DPP10: variants seen among roughly 807,000 people sequenced by gnomAD.
DPP10 encodes the protein dipeptidyl peptidase like 10.
DPP10 carries 33 observed loss-of-function variants against 120.9 expected under a neutral mutation model. The ratio of observed to expected loss-of-function variants is 0.27; its 90% CI spans 0.21 to 0.37. The LOEUF (loss-of-function observed/expected upper bound fraction) is 0.37, where lower values mean the gene tolerates loss of function less well. DPP10 is among the 10% of genes least tolerant of loss of function. The pLI is 1.00. For synonymous variants in DPP10, 337 were observed against 326.1 expected (o/e 1.03, Z -0.36); for missense variants, 816 against 942.8 (o/e 0.87, Z 1.76).
rs1464578228 is a variant in DPP10 at position 114,757,964 on chromosome 2, A to G, written c.60+315126A>G. Among the ~76,000 whole-genome samples, 3 of 152,288 alleles carry G rather than the reference A, an allele frequency of 2.0e-5. No homozygotes were observed. The East Asian group carries it at 5.8e-4, about 29-fold the overall frequency. On this transcript the variant is annotated intron_variant, in intron 1 of 25. Coordinates refer to ENST00000410059, the MANE Select transcript of DPP10 (RefSeq NM_020868.6). The stretch of plus-strand genomic sequence containing the variant: ...GGAGTCTGTCTCCATAGAGTCCCCA[A>G]GTCCTCACACAACGAAGTTGAATAA...
chr2:115,116,338 C>T (rs149954469), intron 1 of DPP10, among the ~76,000 whole-genome samples: 2,778 of 152,154 alleles, frequency 0.018, 35 homozygotes, highest in South Asian at 0.041. Context: ...CTATTGAAAA[C>T]GCTAATTATT....
At chr2:115,669,400 T>G (rs2149436353) in intron 5 of DPP10, among the ~76,000 whole-genome samples, 1 of 152,122 alleles carries the variant, frequency 6.6e-6, no homozygotes, top group African/African-American at 2.4e-5. Context: ...ACGGGAAAAA[T>G]TAAAGTCAAT....
chr2:114,543,281 A>T (rs1687095305), intron 1 of DPP10, among the ~76,000 whole-genome samples: 3 of 152,192 alleles, frequency 2.0e-5, no homozygotes, highest in African/African-American at 7.2e-5. Context: ...TCTTGTTTTC[A>T]GCACTTAACT....
intron 1 of DPP10, among the ~76,000 whole-genome samples, chr2:114,495,755 G>A (rs1383006908): frequency 6.6e-6 from 1 of 152,178 alleles, no homozygotes. Flanking sequence ...TTAGCAGCTG[G>A]AGGATAAATG....
At chr2:114,873,466 C>T (rs1037310800) in intron 1 of DPP10, among the ~76,000 whole-genome samples, 4 of 152,098 alleles carry the variant, frequency 2.6e-5, no homozygotes, top group African/African-American at 9.7e-5. Flanking sequence ...TTTGTTTTGC[C>T]AACCAACACT....
At chr2:115,296,011 T>G (rs2060869510) in intron 1 of DPP10, among the ~76,000 whole-genome samples, 1 of 152,136 alleles carries the variant, frequency 6.6e-6, no homozygotes, top group Non-Finnish European at 1.5e-5. Context: ...AATGTGTTTG[T>G]TTCTATTTCA....
chr2:115,699,404 C>A (rs2091782754), intron 7 of DPP10, among the ~76,000 whole-genome samples: 1 of 152,144 alleles, frequency 6.6e-6, no homozygotes, highest in Admixed American at 6.5e-5. Flanking sequence ...GAGTTTGAGA[C>A]CAGCCTGGCC....
chr2:115,401,355 G>A (rs1292821634), intron 3 of DPP10, among the ~76,000 whole-genome samples: 1 of 152,128 alleles, frequency 6.6e-6, no homozygotes, highest in African/African-American at 2.4e-5. Context: ...CAAACTGGGA[G>A]GATCATTTGA....
At chr2:115,271,623 C>T (rs1311485459) in intron 1 of DPP10, among the ~76,000 whole-genome samples, 1 of 151,900 alleles carries the variant, frequency 6.6e-6, no homozygotes, top group Non-Finnish European at 1.5e-5. Context: ...TTCAGCTGAA[C>T]TAGAATTTCA....
intron 1 of DPP10, among the ~76,000 whole-genome samples, chr2:114,518,379 A>G (rs1020906358): frequency 6.6e-6 from 1 of 151,904 alleles, no homozygotes; most frequent in African/African-American, 2.4e-5. Context: ...TGCAGGGCCT[A>G]TTCATTGTTT....
chr2:115,609,702 T>C (rs1336970108), intron 5 of DPP10, among the ~76,000 whole-genome samples: 1 of 152,150 alleles, frequency 6.6e-6, no homozygotes, highest in Non-Finnish European at 1.5e-5. Flanking sequence ...CAGAGAATAG[T>C]AAGAAAAAAT....
chr2:114,681,151 G>A (rs890499991), intron 1 of DPP10, among the ~76,000 whole-genome samples: 17 of 151,888 alleles, frequency 1.1e-4, no homozygotes, highest in African/African-American at 3.4e-4. Flanking sequence ...CTTTTTCAAT[G>A]TTCAATCATA....
chr2:115,768,091 C>G (rs973883353), intron 12 of DPP10, among the ~76,000 whole-genome samples: 1 of 152,142 alleles, frequency 6.6e-6, no homozygotes, highest in Admixed American at 6.6e-5. Context: ...CTTCCCACAA[C>G]TCAACCACAT....
intron 12 of DPP10, among the ~76,000 whole-genome samples, chr2:115,767,191 A>G (rs1680866931): frequency 6.6e-6 from 1 of 152,106 alleles, no homozygotes; most frequent in Non-Finnish European, 1.5e-5. Context: ...GGGAATACAA[A>G]GTACAAGAGC....
At position 115,193,369 on chromosome 2, in the gene DPP10, G is replaced by T. The variant is rs371314235; in HGVS notation, c.61-115870G>T. On this transcript the variant is annotated intron_variant, in intron 1 of 25. Transcript: ENST00000410059. ...AAAGCAAGCTTCCTTTATGTCTGTG[G>T]ACTAGACTGCCTAAGACCACCAGAT... Among the ~76,000 whole-genome samples the T allele has an allele frequency of 2.6e-5, 4 of 152,190 alleles. No homozygotes were observed. The East Asian group carries it at 7.7e-4, about 29-fold the overall frequency.
intron 1 of DPP10, among the ~76,000 whole-genome samples, chr2:114,791,647 T>C (rs35904772): frequency 0.051 from 7,748 of 152,220 alleles, 226 homozygotes; most frequent in South Asian, 0.087. Flanking sequence ...TCCACCTTTA[T>C]TGGGGAGAGG....
chr2:115,223,898 A>G lies in DPP10; in HGVS notation c.61-85341A>G, dbSNP rs190207440. On this transcript the variant is annotated intron_variant, in intron 1 of 25. Coordinates refer to ENST00000410059, the MANE Select transcript of DPP10 (RefSeq NM_020868.6). ...GTCTTGTTTTAATAAATCATGATAT[A>G]TCAATACTTTGGAACATTATGTAGC... Among the ~76,000 whole-genome samples the G allele has an allele frequency of 7.2e-5, 11 of 152,300 alleles. No homozygotes were observed. In the East Asian group the frequency reaches 7.7e-4, roughly 11 times the overall value.
chr2:114,736,634 G>A (rs1421827430), intron 1 of DPP10, among the ~76,000 whole-genome samples: 1 of 152,172 alleles, frequency 6.6e-6, no homozygotes, highest in East Asian at 1.9e-4. Context: ...TTTAGGTAAA[G>A]CTTACTGTCT....
Position 115,225,584 on chromosome 2 carries a change from C to A in DPP10, c.61-83655C>A, listed in dbSNP as rs79726962. Among the ~76,000 whole-genome samples, 556 of 151,708 alleles carry A rather than the reference C, an allele frequency of 3.7e-3. 2 individuals carry two copies. Among genetic ancestry groups the A allele is most frequent in the African/African-American group, 0.013 (543 of 41,320 alleles). ...TTTACTGAGCTGGGGATAGATTTGC[C>A]AATCATCTATGGGTAGTTAGGAATT... On this transcript the variant is annotated intron_variant, in intron 1 of 25. Coordinates refer to ENST00000410059, the MANE Select transcript of DPP10 (RefSeq NM_020868.6).
Sources: gnomAD v4.1 joint callset for allele counts (sites outside exome capture counted in the v4.1 genomes callset) on GRCh38, gnomAD v4.1.1 for gene constraint, MANE v1.5 for transcripts, NCBI Gene and HGNC (gene_info 2026-07-23, HGNC 2026-07-21) for gene names.